The following GPC6 variants were observed in gnomAD, a reference collection of about 807,000 sequenced individuals.
GPC6 encodes glypican 6, also known as glypican-6.
A neutral mutation model predicts 55.2 loss-of-function variants in GPC6; 14 were observed. The ratio of observed to expected loss-of-function variants is 0.25; its 90% CI spans 0.17 to 0.40. The LOEUF (loss-of-function observed/expected upper bound fraction) is 0.40. Ranked by LOEUF, GPC6 falls within the 10% of genes least tolerant of loss-of-function variation. The probability of loss-of-function intolerance (pLI) is 1.00; values close to 1 mark genes in which losing one functional copy is unlikely to be tolerated. For missense variants in GPC6, 641 were observed against 708.5 expected, an observed-to-expected ratio of 0.90 and a Z score of 1.08; for synonymous variants, 278 against 259.6, an observed-to-expected ratio of 1.07 and a Z score of -0.68.
chr13:94,116,002 C>T (rs1321419674), intron 4 of GPC6, among the ~76,000 whole-genome samples: 1 of 151,944 alleles, frequency 6.6e-6, no homozygotes, highest in Non-Finnish European at 1.5e-5. Flanking sequence ...ATTGTAAGGA[C>T]TCAAGGTTTA....
intron 6 of GPC6, among the ~76,000 whole-genome samples, chr13:94,352,740 A>T (rs1878613600): frequency 6.6e-6 from 1 of 152,094 alleles, no homozygotes. Flanking sequence ...ACTATCCTTA[A>T]TTATTGCCCA....
At chr13:94,178,407 T>A (rs903973903) in intron 4 of GPC6, among the ~76,000 whole-genome samples, 1 of 152,172 alleles carries the variant, frequency 6.6e-6, no homozygotes, top group Non-Finnish European at 1.5e-5. Context: ...CTATATAAAT[T>A]GTATGCAAAC....
At chr13:94,186,231 T>C (rs1889183187) in intron 4 of GPC6, among the ~76,000 whole-genome samples, 1 of 152,092 alleles carries the variant, frequency 6.6e-6, no homozygotes, top group Admixed American at 6.5e-5. Context: ...TATGAGGTCA[T>C]ATTATTGGAA....
intron 4 of GPC6, among the ~76,000 whole-genome samples, chr13:94,254,922 A>G (rs1891460243): frequency 6.6e-6 from 1 of 152,194 alleles, no homozygotes; most frequent in Admixed American, 6.5e-5. Context: ...CTAAGTTTTT[A>G]CATATAAATA....
intron 6 of GPC6, among the ~76,000 whole-genome samples, chr13:94,333,095 T>C (rs891114861): frequency 3.9e-5 from 6 of 152,196 alleles, no homozygotes; most frequent in Non-Finnish European, 2.9e-5. Flanking sequence ...AATATCGGTA[T>C]ACATTACCCT....
At chr13:93,935,932 T>C (rs905596756) in intron 3 of GPC6, among the ~76,000 whole-genome samples, 8 of 152,212 alleles carry the variant, frequency 5.3e-5, no homozygotes, top group Non-Finnish European at 1.0e-4. Flanking sequence ...TCTGGATTTT[T>C]ATCAGATTCC....
At chr13:94,350,892 G>A (rs1021061743) in intron 6 of GPC6, among the ~76,000 whole-genome samples, 3 of 152,182 alleles carry the variant, frequency 2.0e-5, no homozygotes, top group Non-Finnish European at 4.4e-5. Flanking sequence ...GAGAGGGAAA[G>A]AGAGGCACAG....
intron 3 of GPC6, among the ~76,000 whole-genome samples, chr13:93,864,047 C>T (rs1213225360): frequency 1.3e-5 from 2 of 151,626 alleles, no homozygotes; most frequent in African/African-American, 4.8e-5. Context: ...TGATAATGGG[C>T]TCAATTTAAT....
rs114766492 is a variant in GPC6, at chr13:93,389,839, G to A, written c.161-155424G>A. Among the ~76,000 whole-genome samples, 676 of 152,112 alleles carry A rather than the reference G, an allele frequency of 4.4e-3. 4 individuals carry two copies. Among genetic ancestry groups the A allele is most frequent in the African/African-American group, 0.016 (655 of 41,500 alleles). On this transcript the variant is annotated intron_variant, in intron 1 of 8. Transcript: ENST00000377047. ...ATTGTTAAGCCCTCTAATTTAGAAG[G>A]ATGGGAATGTTTTTTACATTTAATC... is the stretch of plus-strand genomic sequence containing the variant.
At chr13:93,445,655 T>C (rs772063081) in intron 1 of GPC6, among the ~76,000 whole-genome samples, 1 of 152,208 alleles carries the variant, frequency 6.6e-6, no homozygotes, top group Non-Finnish European at 1.5e-5. Context: ...TGCATTTAAT[T>C]CTGTAATGTT....
intron 3 of GPC6, among the ~76,000 whole-genome samples, chr13:94,007,146 A>G (rs1369511232): frequency 6.6e-6 from 1 of 152,202 alleles, no homozygotes; most frequent in African/African-American, 2.4e-5. Flanking sequence ...CCTGAAATCC[A>G]TCTCACGTCA....
At chr13:93,315,174 A>G (rs1404623171) in intron 1 of GPC6, among the ~76,000 whole-genome samples, 1 of 152,136 alleles carries the variant, frequency 6.6e-6, no homozygotes, top group East Asian at 1.9e-4. Context: ...ATTTTAAAAC[A>G]TTACATCCTT....
At chr13:93,308,144 G>T (rs185893962) in intron 1 of GPC6, among the ~76,000 whole-genome samples, 1 of 152,040 alleles carries the variant, frequency 6.6e-6, no homozygotes, top group Non-Finnish European at 1.5e-5. Flanking sequence ...AATTAGCCGG[G>T]CCTGGTGGCG....
Position 93,263,512 on chromosome 13 carries a change from G to A in GPC6, c.160+35896G>A, listed in dbSNP as rs191457038. On this transcript the variant is annotated intron_variant, in intron 1 of 8. Coordinates refer to ENST00000377047, the MANE Select transcript of GPC6 (RefSeq NM_005708.5). Reference sequence around the variant, plus strand: ...CCTAAGTAGCTGGGATTACAGGCGTGTGCCTCCACTCCCGGGTAATTTTTG... The same window carrying A: ...CCTAAGTAGCTGGGATTACAGGCGTATGCCTCCACTCCCGGGTAATTTTTG... Among the ~76,000 whole-genome samples the A allele has an allele frequency of 2.6e-5, 4 of 152,136 alleles. No homozygotes were observed. The East Asian group carries it at 7.7e-4, about 29-fold the overall frequency.
At chr13:93,282,243 GAA>G (rs1877976880) in intron 1 of GPC6, among the ~76,000 whole-genome samples, 1 of 152,102 alleles carries the variant, frequency 6.6e-6, no homozygotes, top group Non-Finnish European at 1.5e-5. Flanking sequence ...GAAGGTGAAA[GAA>G]ACAAAAATTC....
intron 1 of GPC6, among the ~76,000 whole-genome samples, chr13:93,308,893 C>A (rs1367802305): frequency 1.3e-5 from 2 of 152,188 alleles, no homozygotes; most frequent in Non-Finnish European, 2.9e-5. Flanking sequence ...GAATACTGAT[C>A]ATCATTGTAG....
rs193248008 is a variant in GPC6 at position 94,189,659 on chromosome 13, G to A, written c.878-96690G>A. Among the ~76,000 whole-genome samples the A allele has an allele frequency of 2.6e-3, 401 of 152,284 alleles. 1 individual carries two copies. The highest frequency in any genetic ancestry group is 9.0e-3 in the African/African-American group (375 of 41,564). Reference sequence around the variant, plus strand: ...CCAGATAAATTAAACAATTAAAAGAGTATCAAAACTTAAAAAATTCATTCC... The same window carrying A: ...CCAGATAAATTAAACAATTAAAAGAATATCAAAACTTAAAAAATTCATTCC... On this transcript the variant is annotated intron_variant, in intron 4 of 8. Coordinates refer to ENST00000377047, the MANE Select transcript of GPC6 (RefSeq NM_005708.5).
At chr13:93,758,306 T>C (rs1384148457) in intron 2 of GPC6, among the ~76,000 whole-genome samples, 2 of 152,130 alleles carry the variant, frequency 1.3e-5, no homozygotes, top group Admixed American at 1.3e-4. Context: ...AAAAGTTCCC[T>C]GAGAAGGAAG....
chr13:94,040,048 T>C (rs1883476398), intron 4 of GPC6, among the ~76,000 whole-genome samples: 1 of 151,912 alleles, frequency 6.6e-6, no homozygotes, highest in Admixed American at 6.6e-5. Context: ...ATCATACATA[T>C]TGACATTTCA....
Sources: gnomAD v4.1 joint callset for allele counts (sites outside exome capture counted in the v4.1 genomes callset) on GRCh38, gnomAD v4.1.1 for gene constraint, MANE v1.5 for transcripts, NCBI Gene and HGNC (gene_info 2026-07-23, HGNC 2026-07-21) for gene names.